TEX9: variants seen among roughly 807,000 people sequenced by gnomAD.
TEX9 encodes the protein testis expressed 9, also known as testis-expressed protein 9.
TEX9 carries 74 observed loss-of-function variants against 59.6 expected under a neutral mutation model. The ratio of observed to expected loss-of-function variants is 1.24; its 90% confidence interval spans 1.03 to 1.51. The LOEUF (loss-of-function observed/expected upper bound fraction) is 1.51, where lower values mean the gene tolerates loss of function less well. TEX9 is among the 40% of genes most tolerant of loss of function. The probability of loss-of-function intolerance (pLI) is 0.00; values close to 1 mark genes in which losing one functional copy is unlikely to be tolerated. For synonymous variants in TEX9, 186 were observed against 152.2 expected (o/e 1.22, Z -1.64); for missense variants, 522 against 447.8 (o/e 1.17, Z -1.49).
At chr15:56,431,408 C>T in intron 12 of TEX9, 1 of 1,613,398 alleles carries the variant, frequency 6.2e-7, no homozygotes, top group Non-Finnish European at 8.5e-7. Flanking sequence ...GTAGCATGCT[C>T]TTTAAGAAGT....
chr15:56,375,333 A>G (rs2047387274), intron 3 of TEX9, among the ~76,000 whole-genome samples: 1 of 152,066 alleles, frequency 6.6e-6, no homozygotes, highest in African/African-American at 2.4e-5. Context: ...GTGTCTGTTC[A>G]TTTCCTTTGC....
intron 9 of TEX9, among the ~76,000 whole-genome samples, chr15:56,402,969 T>C (rs1395037612): frequency 6.6e-6 from 1 of 152,230 alleles, no homozygotes; most frequent in African/African-American, 2.4e-5. Context: ...AAACTAGGTA[T>C]TGATGGAACA....
intron 1 of TEX9, among the ~76,000 whole-genome samples, chr15:56,301,970 G>A (rs1487254398): frequency 2.6e-5 from 4 of 151,970 alleles, no homozygotes; most frequent in Admixed American, 6.6e-5. Context: ...CAATCAAAAC[G>A]AATAATTACA....
At chr15:56,411,675 G>T (rs532271256) in intron 9 of TEX9, among the ~76,000 whole-genome samples, 61 of 152,280 alleles carry the variant, frequency 4.0e-4, no homozygotes, top group South Asian at 1.0e-3. Flanking sequence ...TTATGGTGGA[G>T]TTAAGAGTTT....
At chr15:56,413,930 G>C (rs1338979987) in intron 10 of TEX9, among the ~76,000 whole-genome samples, 1 of 151,666 alleles carries the variant, frequency 6.6e-6, no homozygotes, top group Non-Finnish European at 1.5e-5. Context: ...TATATGGTCA[G>C]GTCATTTTCA....
chr15:56,399,571 T>C (rs947057648), intron 9 of TEX9, among the ~76,000 whole-genome samples: 2 of 152,232 alleles, frequency 1.3e-5, no homozygotes, highest in Non-Finnish European at 2.9e-5. Flanking sequence ...TTCTGCAGAC[T>C]TAAACGTCCC....
At chr15:56,433,990 A>C in intron 12 of TEX9, 1 of 853,200 alleles carries the variant, frequency 1.2e-6, no homozygotes, top group Non-Finnish European at 1.7e-6. Flanking sequence ...TTCTAGAAGC[A>C]AAAATGGTCA....
intron 1 of TEX9, among the ~76,000 whole-genome samples, chr15:56,308,175 T>C (rs1374114707): frequency 1.3e-5 from 2 of 152,182 alleles, no homozygotes; most frequent in African/African-American, 2.4e-5. Context: ...AGCTGCACTA[T>C]TTTACATTTT....
At chr15:56,422,751 T>A (rs1297222162) in intron 10 of TEX9, among the ~76,000 whole-genome samples, 1 of 152,022 alleles carries the variant, frequency 6.6e-6, no homozygotes, top group African/African-American at 2.4e-5. Context: ...AACCTATCCA[T>A]GAACTCTTTT....
chr15:56,271,106 A>T (rs1238840548), intron 1 of TEX9, among the ~76,000 whole-genome samples: 1 of 151,876 alleles, frequency 6.6e-6, no homozygotes, highest in Non-Finnish European at 1.5e-5. Flanking sequence ...TCTGACAATT[A>T]TGTGTCTTGG....
At chr15:56,402,319 C>T (rs776092851) in intron 9 of TEX9, among the ~76,000 whole-genome samples, 10 of 152,052 alleles carry the variant, frequency 6.6e-5, no homozygotes, top group Non-Finnish European at 1.2e-4. Context: ...CCACGGATCC[C>T]GCAGAAATAC....
chr15:56,443,728 T>C (rs2050858384), intron 12 of TEX9: 1 of 1,613,398 alleles, frequency 6.2e-7, no homozygotes, highest in Non-Finnish European at 8.5e-7. Flanking sequence ...TAGCAAACTC[T>C]ATGATTTTTC....
chr15:56,324,049 A>G (rs570268610), intron 1 of TEX9, among the ~76,000 whole-genome samples: 1 of 152,248 alleles, frequency 6.6e-6, no homozygotes, highest in South Asian at 2.1e-4. Context: ...GTAAACTGGC[A>G]TAGAAATCGA....
intron 3 of TEX9, among the ~76,000 whole-genome samples, chr15:56,379,975 T>C (rs2047652400): frequency 6.6e-6 from 1 of 152,130 alleles, no homozygotes; most frequent in South Asian, 2.1e-4. Flanking sequence ...TCTTGTTTTA[T>C]CATCCATTAA....
chr15:56,317,703 T>G (rs1453780257), intron 1 of TEX9, among the ~76,000 whole-genome samples: 1 of 152,196 alleles, frequency 6.6e-6, no homozygotes, highest in Non-Finnish European at 1.5e-5. Flanking sequence ...GTTCCATATA[T>G]TGTACTTTCA....
chr15:56,266,922 A>C (rs2044399745), intron 1 of TEX9, among the ~76,000 whole-genome samples: 1 of 152,168 alleles, frequency 6.6e-6, no homozygotes, highest in Non-Finnish European at 1.5e-5. Flanking sequence ...TAATGGTTGA[A>C]CTAGTTTACA....
At chr15:56,246,136 T>C (rs1470227156) in intron 1 of TEX9, among the ~76,000 whole-genome samples, 3 of 152,176 alleles carry the variant, frequency 2.0e-5, no homozygotes, top group African/African-American at 7.2e-5. Flanking sequence ...CAAGTGCAAC[T>C]TCTGAGAGTT....
rs114154965 is a variant in TEX9 at position 56,344,346 on chromosome 15, G to A, written c.-106-29095G>A. On this transcript the variant is annotated intron_variant, in intron 1 of 5. Transcript: ENST00000560827. ...AATATTATTTACCATGTAAGTGAAT[G>A]AAGGATTGATAAATGCTACGACAAA... Among the ~76,000 whole-genome samples the A allele has an allele frequency of 1.7e-3, 263 of 152,280 alleles. 1 individual carries two copies. Among genetic ancestry groups the A allele is most frequent in the African/African-American group, 6.1e-3 (253 of 41,570 alleles).
At chr15:56,441,977 G>A (rs1268776983) in intron 12 of TEX9, among the ~76,000 whole-genome samples, 3 of 151,846 alleles carry the variant, frequency 2.0e-5, no homozygotes, top group South Asian at 2.1e-4. Context: ...CCGAGATCAC[G>A]CCACTGCACT....
Sources: allele counts gnomAD v4.1 joint callset (sites outside exome capture counted in the v4.1 genomes callset), GRCh38; gene constraint gnomAD v4.1.1; transcripts MANE v1.5; gene names NCBI Gene and HGNC (gene_info 2026-07-23, HGNC 2026-07-21).